SLC4A10: variants seen among roughly 807,000 people sequenced by gnomAD.
The protein encoded by SLC4A10 is solute carrier family 4 member 10.
Under a neutral mutation model 137.7 loss-of-function variants are expected in SLC4A10, and 42 were observed. The observed-to-expected ratio is 0.30, with a 90% CI of 0.24 to 0.39. SLC4A10 has a LOEUF of 0.39. Ranked by LOEUF, SLC4A10 falls within the 10% of genes least tolerant of loss-of-function variation. SLC4A10 has a pLI of 1.00. For missense variants in SLC4A10, 925 were observed against 1,355.0 expected, an observed-to-expected ratio of 0.68 and a Z score of 4.98; for synonymous variants, 474 against 464.1, an observed-to-expected ratio of 1.02 and a Z score of -0.27.
chr2:161,886,811 C>A (rs1258433587), intron 10 of SLC4A10, among the ~76,000 whole-genome samples: 5 of 151,874 alleles, frequency 3.3e-5, no homozygotes, highest in African/African-American at 1.2e-4. Context: ...TTTTTGTATA[C>A]TTTAAGTTCT....
At chr2:161,691,890 A>G (rs1559040955) in intron 1 of SLC4A10, among the ~76,000 whole-genome samples, 2 of 152,110 alleles carry the variant, frequency 1.3e-5, no homozygotes, top group South Asian at 4.1e-4. Context: ...CAAGTTTGTA[A>G]ATGGTGAATG....
intron 5 of SLC4A10, among the ~76,000 whole-genome samples, chr2:161,859,271 A>C (rs942010126): frequency 8.9e-6 from 1 of 112,310 alleles, no homozygotes; most frequent in East Asian, 4.2e-4. Context: ...CACAAGTGCT[A>C]CTAGTTTTTC....
At chr2:161,739,370 T>A (rs983291214) in intron 1 of SLC4A10, among the ~76,000 whole-genome samples, 1 of 152,138 alleles carries the variant, frequency 6.6e-6, no homozygotes, top group East Asian at 1.9e-4. Context: ...GGCCAACCAA[T>A]GTTTTAATTT....
At chr2:161,769,916 C>T (rs2051362424) in intron 1 of SLC4A10, among the ~76,000 whole-genome samples, 1 of 151,622 alleles carries the variant, frequency 6.6e-6, no homozygotes, top group Non-Finnish European at 1.5e-5. Context: ...AAGGCAGGTC[C>T]CCAATGTCTG....
intron 1 of SLC4A10, among the ~76,000 whole-genome samples, chr2:161,642,034 A>G (rs189725785): frequency 6.2e-4 from 94 of 152,114 alleles, no homozygotes; most frequent in African/African-American, 1.9e-3. Flanking sequence ...ATTTCACAAA[A>G]TTAATCTTCA....
At chr2:161,794,039 G>T (rs545802888) in intron 2 of SLC4A10, among the ~76,000 whole-genome samples, 10 of 152,166 alleles carry the variant, frequency 6.6e-5, no homozygotes, top group African/African-American at 2.4e-4. Flanking sequence ...GAAAACAAAG[G>T]TCATGTTTAT....
chr2:161,721,156 T>C (rs1559106238), intron 1 of SLC4A10, among the ~76,000 whole-genome samples: 1 of 152,226 alleles, frequency 6.6e-6, no homozygotes, highest in Non-Finnish European at 1.5e-5. Context: ...TCTGTGTCTT[T>C]TGATTTGGGC....
intron 1 of SLC4A10, among the ~76,000 whole-genome samples, chr2:161,700,175 T>G (rs915748083): frequency 1.3e-5 from 2 of 152,172 alleles, no homozygotes; most frequent in Admixed American, 1.3e-4. Context: ...TTGATGAGAT[T>G]GGAAAGATCT....
At chr2:161,637,870 T>C (rs1207772851) in intron 1 of SLC4A10, among the ~76,000 whole-genome samples, 1 of 152,132 alleles carries the variant, frequency 6.6e-6, no homozygotes, top group East Asian at 1.9e-4. Context: ...TGTTGAGCAG[T>C]TTTTCATATG....
At chr2:161,745,767 G>T (rs1025238992) in intron 1 of SLC4A10, among the ~76,000 whole-genome samples, 1 of 152,228 alleles carries the variant, frequency 6.6e-6, no homozygotes, top group Admixed American at 6.5e-5. Context: ...TGCAATTGCT[G>T]TAGCCATATC....
At chr2:161,838,507 G>A (rs556530994) in intron 3 of SLC4A10, among the ~76,000 whole-genome samples, 2 of 152,240 alleles carry the variant, frequency 1.3e-5, no homozygotes, top group African/African-American at 4.8e-5. Flanking sequence ...TTTCCTCAGT[G>A]AAAGACACTG....
chr2:161,745,421 C>A (rs1315810332), intron 1 of SLC4A10, among the ~76,000 whole-genome samples: 3 of 152,042 alleles, frequency 2.0e-5, no homozygotes, highest in Non-Finnish European at 1.5e-5. Context: ...TTAATTATTT[C>A]AATCTTTTTG....
intron 10 of SLC4A10, among the ~76,000 whole-genome samples, chr2:161,892,070 A>C (rs1354489339): frequency 6.6e-6 from 1 of 152,068 alleles, no homozygotes; most frequent in Non-Finnish European, 1.5e-5. Context: ...GGTGATAGGG[A>C]AACAATAGTA....
At chr2:161,750,826 T>C (rs1334473944) in intron 1 of SLC4A10, among the ~76,000 whole-genome samples, 1 of 151,824 alleles carries the variant, frequency 6.6e-6, no homozygotes, top group Admixed American at 6.6e-5. Flanking sequence ...AGTTCCATAC[T>C]ATTATTTTAT....
chr2:161,863,372 T>C (rs2060542397), intron 6 of SLC4A10, among the ~76,000 whole-genome samples: 1 of 152,212 alleles, frequency 6.6e-6, no homozygotes, highest in Non-Finnish European at 1.5e-5. Context: ...AATAAGGTCC[T>C]AGTCTCTGTC....
At chr2:161,857,121 C>G (rs991316449) in intron 5 of SLC4A10, among the ~76,000 whole-genome samples, 1 of 152,138 alleles carries the variant, frequency 6.6e-6, no homozygotes, top group African/African-American at 2.4e-5. Context: ...CATTTTATCA[C>G]TTTAGTTCAC....
At chr2:161,931,217 C>G (rs1205806903) in intron 15 of SLC4A10, 1 of 152,252 alleles carries the variant, frequency 6.6e-6, no homozygotes, top group Non-Finnish European at 1.5e-5. Flanking sequence ...TGGCTGTTGC[C>G]ACAGCCATTG....
chr2:161,636,172 C>A (rs1178610349), intron 1 of SLC4A10, among the ~76,000 whole-genome samples: 1 of 151,990 alleles, frequency 6.6e-6, no homozygotes, highest in Non-Finnish European at 1.5e-5. Flanking sequence ...GAAATTCATG[C>A]AAATTTCTTT....
intron 2 of SLC4A10, among the ~76,000 whole-genome samples, chr2:161,800,549 G>A (rs2055270652): frequency 6.6e-6 from 1 of 152,026 alleles, no homozygotes; most frequent in South Asian, 2.1e-4. Flanking sequence ...TATTGCCAAT[G>A]AAAAGCCTAG....
Sources: gnomAD v4.1 joint callset for allele counts (sites outside exome capture counted in the v4.1 genomes callset) on GRCh38, gnomAD v4.1.1 for gene constraint, MANE v1.5 for transcripts, NCBI Gene and HGNC (gene_info 2026-07-23, HGNC 2026-07-21) for gene names.